The following KCNAB1 variants were observed in gnomAD, a reference collection of about 807,000 sequenced individuals.
The protein encoded by KCNAB1 is potassium voltage-gated channel subfamily A regulatory beta subunit 1, also known as voltage-gated potassium channel subunit beta-1.
KCNAB1 carries 35 observed loss-of-function variants against 64.6 expected under a neutral mutation model. The ratio of observed to expected loss-of-function variants is 0.54; its 90% CI spans 0.41 to 0.72. KCNAB1 has a LOEUF of 0.72. Ranked by LOEUF, KCNAB1 falls within the 30% of genes least tolerant of loss-of-function variation. The pLI is 0.00. For missense variants in KCNAB1, 401 were observed against 512.9 expected (o/e 0.78, Z 2.11); for synonymous variants, 177 against 183.8 (o/e 0.96, Z 0.30).
At chr3:156,384,273 A>C (rs917638226) in intron 1 of KCNAB1, among the ~76,000 whole-genome samples, 1 of 152,236 alleles carries the variant, frequency 6.6e-6, no homozygotes, top group Non-Finnish European at 1.5e-5. Context: ...ACAAGATATT[A>C]TGAAGTGACT....
chr3:156,127,884 GGTGTGT>G (rs10576749), intron 1 of KCNAB1, among the ~76,000 whole-genome samples: 1,887 of 147,646 alleles, frequency 0.013, 39 homozygotes, highest in East Asian at 0.096. Context: ...CTTCATTTGG[GGTGTGT>G]GTGTGTGTGT....
At chr3:156,491,372 A>T (rs952258253) in intron 8 of KCNAB1, among the ~76,000 whole-genome samples, 1 of 152,154 alleles carries the variant, frequency 6.6e-6, no homozygotes, top group African/African-American at 2.4e-5. Flanking sequence ...GTTTCTTATC[A>T]GCTTGACCAT....
intron 1 of KCNAB1, among the ~76,000 whole-genome samples, chr3:156,405,198 C>T (rs535691367): frequency 1.1e-3 from 160 of 152,332 alleles, no homozygotes; most frequent in Non-Finnish European, 1.5e-3. Flanking sequence ...GGACAAGAGC[C>T]TTTTATCCAT....
chr3:156,358,520 T>A (rs1725405411), intron 1 of KCNAB1, among the ~76,000 whole-genome samples: 2 of 152,206 alleles, frequency 1.3e-5, no homozygotes, highest in South Asian at 4.1e-4. Flanking sequence ...TCCCAATCAC[T>A]GCAAACAGCC....
chr3:156,424,541 T>G (rs1715691095), intron 2 of KCNAB1, among the ~76,000 whole-genome samples: 2 of 152,222 alleles, frequency 1.3e-5, no homozygotes, highest in Admixed American at 1.3e-4. Flanking sequence ...AAATAACTAT[T>G]CGGTATTCAT....
At chr3:156,294,600 A>G (rs926917191) in intron 1 of KCNAB1, among the ~76,000 whole-genome samples, 3 of 152,232 alleles carry the variant, frequency 2.0e-5, no homozygotes, top group Admixed American at 2.0e-4. Context: ...TATATGGACT[A>G]TTTGTTAATG....
chr3:156,395,524 G>C (rs1183803629), intron 1 of KCNAB1, among the ~76,000 whole-genome samples: 6 of 103,750 alleles, frequency 5.8e-5, no homozygotes, highest in Admixed American at 2.9e-4. Context: ...CAGCCTGGGC[G>C]ACAGAGCGAG....
rs1222792901 is a variant in KCNAB1, at chr3:156,474,752, A to G, written c.590A>G (p.Gln197Arg). The G allele has an allele frequency of 1.2e-6, 2 of 1,613,210 alleles. No individual in the cohort carries two copies. The highest frequency in any genetic ancestry group is 2.2e-5 in the East Asian group (1 of 44,874). The change falls in exon 8 of 14, where the codon CAG becomes CGG. Residue 197 changes from glutamine to arginine, a missense_variant. Physicochemically the swap from Gln to Arg is conservative, Grantham distance 43 (BLOSUM62 1). Coordinates refer to ENST00000490337, the MANE Select transcript of KCNAB1 (RefSeq NM_172160.3). ...CTCCCAGGATTGAAGGGCTCCCTCC[A>G]GAGGCTGCAGCTCGAGTATGTGGAT... is the stretch of plus-strand genomic sequence containing the variant. Reference protein sequence around the residue: ...HIIEGLKGSLQRLQLEYVDVV... With the variant: ...HIIEGLKGSLRRLQLEYVDVV...
intron 1 of KCNAB1, among the ~76,000 whole-genome samples, chr3:156,178,949 C>A (rs7612532): frequency 2.1e-5 from 3 of 145,334 alleles, no homozygotes; most frequent in Non-Finnish European, 4.5e-5. Flanking sequence ...TGCAGTGAGC[C>A]GAGATCGCGC....
chr3:156,342,608 A>C (rs201559269), intron 1 of KCNAB1, among the ~76,000 whole-genome samples: 738 of 63,582 alleles, frequency 0.012, 4 homozygotes, highest in African/African-American at 0.046. Context: ...TTTTTTTTTT[A>C]ATTTTTTTTT....
At chr3:156,532,671 T>A (rs1269396238) in intron 13 of KCNAB1, among the ~76,000 whole-genome samples, 1 of 152,190 alleles carries the variant, frequency 6.6e-6, no homozygotes, top group African/African-American at 2.4e-5. Flanking sequence ...TGTGCAGCCG[T>A]GTAATCACCT....
chr3:156,503,610 G>C (rs572026012), intron 8 of KCNAB1, among the ~76,000 whole-genome samples: 1 of 152,264 alleles, frequency 6.6e-6, no homozygotes, highest in African/African-American at 2.4e-5. Flanking sequence ...GTTCTTACTT[G>C]CAAGTTCTAC....
intron 1 of KCNAB1, among the ~76,000 whole-genome samples, chr3:156,218,801 A>AAAAAAAAAAAAAT (rs371264941): frequency 4.5e-5 from 5 of 112,244 alleles, no homozygotes; most frequent in Non-Finnish European, 5.2e-5. Context: ...AAAAAAAAAA[A>AAAAAAAAAAAAAT]AATAATAATA....
chr3:156,497,496 G>T (rs1473733938), intron 8 of KCNAB1, among the ~76,000 whole-genome samples: 1 of 152,150 alleles, frequency 6.6e-6, no homozygotes, highest in African/African-American at 2.4e-5. Flanking sequence ...CCTGTCCCAA[G>T]AAGCTGATAC....
intron 8 of KCNAB1, among the ~76,000 whole-genome samples, chr3:156,510,422 T>C (rs1279851524): frequency 6.6e-6 from 1 of 152,070 alleles, no homozygotes; most frequent in East Asian, 1.9e-4. Context: ...TCCCTCTCCC[T>C]TTATCAAGTC....
chr3:156,376,695 G>C (rs1245434576), intron 1 of KCNAB1, among the ~76,000 whole-genome samples: 1 of 152,216 alleles, frequency 6.6e-6, no homozygotes, highest in East Asian at 1.9e-4. Flanking sequence ...AGCTTGGCTG[G>C]AAAGAAAAGG....
At chr3:156,264,175 A>AT (rs1216045174) in intron 1 of KCNAB1, among the ~76,000 whole-genome samples, 3 of 152,106 alleles carry the variant, frequency 2.0e-5, no homozygotes, top group East Asian at 3.9e-4. Flanking sequence ...CTTTGATAAC[A>AT]TTTTTTATCT....
chr3:156,528,460 C>T (rs1041662811), intron 12 of KCNAB1, among the ~76,000 whole-genome samples: 2 of 152,176 alleles, frequency 1.3e-5, no homozygotes, highest in Non-Finnish European at 2.9e-5. Context: ...TAAGGCATAC[C>T]TCACAGCCTG....
At chr3:156,145,556 T>C (rs752997508) in intron 1 of KCNAB1, among the ~76,000 whole-genome samples, 2 of 152,186 alleles carry the variant, frequency 1.3e-5, no homozygotes, top group Admixed American at 6.5e-5. Flanking sequence ...TTCTTTATTA[T>C]GATTTTTCCC....
Sources: allele counts gnomAD v4.1 joint callset (sites outside exome capture counted in the v4.1 genomes callset), GRCh38; gene constraint gnomAD v4.1.1; transcripts MANE v1.5; gene names NCBI Gene and HGNC (gene_info 2026-07-23, HGNC 2026-07-21).